WDFY2: variants seen among roughly 807,000 people sequenced by gnomAD.
WDFY2 encodes the protein WD repeat and FYVE domain containing 2, also known as WD repeat and FYVE domain-containing protein 2.
In WDFY2, 36 loss-of-function variants were observed where a neutral mutation model predicts 56.4. The observed-to-expected ratio is 0.64, with a 90% CI of 0.49 to 0.84. WDFY2 has a LOEUF of 0.84. Among genes scored for constraint, WDFY2 ranks in the 40% least tolerant of loss-of-function variants. The probability of loss-of-function intolerance (pLI) is 0.00; values close to 1 mark genes in which losing one functional copy is unlikely to be tolerated. For missense variants in WDFY2, 444 were observed against 512.2 expected (o/e 0.87, Z 1.29); for synonymous variants, 176 against 183.7 (o/e 0.96, Z 0.34).
At chr13:51,676,988 T>C (rs1042482512) in intron 3 of WDFY2, among the ~76,000 whole-genome samples, 3 of 152,216 alleles carry the variant, frequency 2.0e-5, no homozygotes, top group Admixed American at 2.0e-4. Flanking sequence ...TAGGAGTGGT[T>C]TGTTGCACTT....
chr13:51,697,473 A>C (rs1016996108), intron 3 of WDFY2, among the ~76,000 whole-genome samples: 1 of 152,072 alleles, frequency 6.6e-6, no homozygotes, highest in Non-Finnish European at 1.5e-5. Flanking sequence ...TCTCTACAAA[A>C]AATACAAAAA....
intron 1 of WDFY2, among the ~76,000 whole-genome samples, chr13:51,618,760 G>A (rs1309753172): frequency 6.6e-6 from 1 of 152,198 alleles, no homozygotes; most frequent in African/African-American, 2.4e-5. Context: ...TTGTTGCTGG[G>A]AATTTCTCTG....
At position 51,764,978 on chromosome 13, in the gene WDFY2, C is replaced by G. The variant is rs1429102962; in HGVS notation, c.*5209C>G. The G allele has an allele frequency of 6.6e-6, 1 of 152,256 alleles. No individual in the cohort carries two copies. The highest frequency in any genetic ancestry group is 1.5e-5 in the Non-Finnish European group (1 of 68,112). The allele number at this position is 152,256 out of a possible 1,614,324, so 9.4% of individuals were successfully genotyped here. On this transcript the variant is annotated 3_prime_UTR_variant, in exon 12 of 12. Coordinates refer to ENST00000298125, the MANE Select transcript of WDFY2 (RefSeq NM_052950.4). ...GGTGCCGAGTGTTTGGGTGCAGACA[C>G]AGGCAGCTGCTGCCCTCCACTTCCT...
At chr13:51,704,180 A>G (rs1447812055) in intron 4 of WDFY2, among the ~76,000 whole-genome samples, 4 of 152,178 alleles carry the variant, frequency 2.6e-5, no homozygotes, top group African/African-American at 4.8e-5. Flanking sequence ...ATTTCCTCCA[A>G]TTCTCTTGAC....
chr13:51,650,025 C>T (rs1370653901), intron 1 of WDFY2, among the ~76,000 whole-genome samples: 4 of 151,886 alleles, frequency 2.6e-5, no homozygotes, highest in African/African-American at 4.8e-5. Flanking sequence ...GCCATTATCA[C>T]GATATTGATT....
chr13:51,692,292 C>G (rs1593418731), intron 3 of WDFY2, among the ~76,000 whole-genome samples: 1 of 152,158 alleles, frequency 6.6e-6, no homozygotes. Context: ...GGGAATCCTT[C>G]CAGTTTTTGC....
At chr13:51,675,086 C>A (rs1955863658) in intron 2 of WDFY2, 84 bp from the exon 3 acceptor site, 2 of 1,228,986 alleles carry the variant, frequency 1.6e-6, no homozygotes, top group Admixed American at 1.7e-5. Flanking sequence ...AAAGTACAGC[C>A]CCACACTTTT....
rs576047877 is a variant in WDFY2, at chr13:51,765,243, G to T, written c.*5474G>T. On this transcript the variant is annotated 3_prime_UTR_variant, in exon 12 of 12. Transcript: ENST00000298125. ...TCCAAAACTTAGTCCAGAAACATCT[G>T]CATTCCTGTTTAAACTTCAGCTCAG... The T allele has an allele frequency of 1.1e-4, 17 of 152,346 alleles. No individual in the cohort carries two copies. Among genetic ancestry groups the T allele is most frequent in the Admixed American group, 3.3e-4 (5 of 15,308 alleles). The allele number at this position is 152,346 out of a possible 1,614,324, so 9.4% of individuals were successfully genotyped here.
intron 1 of WDFY2, among the ~76,000 whole-genome samples, chr13:51,603,379 G>C (rs1954323703): frequency 6.6e-6 from 1 of 152,196 alleles, no homozygotes; most frequent in Non-Finnish European, 1.5e-5. Context: ...GCCTGGAGCA[G>C]CAGGAGCCTC....
At chr13:51,680,180 C>T (rs1955954196) in intron 3 of WDFY2, among the ~76,000 whole-genome samples, 1 of 152,210 alleles carries the variant, frequency 6.6e-6, no homozygotes, top group Admixed American at 6.5e-5. Context: ...TAGCTCACTA[C>T]AGCCTCAAAG....
chr13:51,674,632 C>CA (rs1955857233), intron 2 of WDFY2, among the ~76,000 whole-genome samples: 1 of 152,068 alleles, frequency 6.6e-6, no homozygotes, highest in Non-Finnish European at 1.5e-5. Flanking sequence ...CCAGCACACC[C>CA]CCAAAGGCCA....
intron 2 of WDFY2, among the ~76,000 whole-genome samples, chr13:51,667,704 T>C (rs1332593915): frequency 6.6e-6 from 1 of 152,106 alleles, no homozygotes; most frequent in East Asian, 1.9e-4. Flanking sequence ...AAAAAACCTC[T>C]GGGTTCCTGG....
At chr13:51,622,951 G>A (rs1236292761) in intron 1 of WDFY2, among the ~76,000 whole-genome samples, 6 of 149,058 alleles carry the variant, frequency 4.0e-5, no homozygotes, top group African/African-American at 9.9e-5. Flanking sequence ...TCCACCTCCC[G>A]GGTTCAAGCA....
At chr13:51,683,899 G>A (rs1956018608) in intron 3 of WDFY2, among the ~76,000 whole-genome samples, 1 of 152,076 alleles carries the variant, frequency 6.6e-6, no homozygotes, top group African/African-American at 2.4e-5. Flanking sequence ...AGTGACCCAG[G>A]TTGGTGGAAA....
chr13:51,585,729 A>T (rs1953924655), intron 1 of WDFY2, among the ~76,000 whole-genome samples: 1 of 152,242 alleles, frequency 6.6e-6, no homozygotes, highest in African/African-American at 2.4e-5. Context: ...AACACTGTAG[A>T]GGTACATAAC....
intron 7 of WDFY2, among the ~76,000 whole-genome samples, chr13:51,750,975 A>G (rs2138716447): frequency 6.6e-6 from 1 of 152,318 alleles, no homozygotes; most frequent in South Asian, 2.1e-4. Flanking sequence ...TGTGAAATGA[A>G]CATACGCTAC....
chr13:51,691,016 G>A (rs1490915783), intron 3 of WDFY2, among the ~76,000 whole-genome samples: 1 of 152,138 alleles, frequency 6.6e-6, no homozygotes, highest in Non-Finnish European at 1.5e-5. Flanking sequence ...GTCTGTTCAT[G>A]TCCTTCACCC....
At chr13:51,756,519 C>T in intron 10 of WDFY2, 57 bp downstream of exon 10, 1 of 1,563,746 alleles carries the variant, frequency 6.4e-7, no homozygotes, top group Non-Finnish European at 8.7e-7. Flanking sequence ...TAATCTGAGC[C>T]TTGCACTCAG....
chr13:51,603,682 C>G (rs1954328690), intron 1 of WDFY2, among the ~76,000 whole-genome samples: 1 of 152,114 alleles, frequency 6.6e-6, no homozygotes, highest in African/African-American at 2.4e-5. Context: ...TGAGTTAAAA[C>G]CATGCTTTTC....
Sources: allele counts gnomAD v4.1 joint callset (sites outside exome capture counted in the v4.1 genomes callset), GRCh38; gene constraint gnomAD v4.1.1; transcripts MANE v1.5; gene names NCBI Gene and HGNC (gene_info 2026-07-23, HGNC 2026-07-21).